The following ZNF618 variants were observed in gnomAD, a reference collection of about 807,000 sequenced individuals.
The protein encoded by ZNF618 is zinc finger protein 618.
A neutral mutation model predicts 103.0 loss-of-function variants in ZNF618; 34 were observed. That is an observed-to-expected ratio of 0.33 (90% confidence interval 0.25 to 0.44). The LOEUF (loss-of-function observed/expected upper bound fraction) is 0.44. ZNF618 is among the 20% of genes least tolerant of loss of function. The pLI, the probability that ZNF618 is intolerant of heterozygous loss-of-function variation, is 1.00. For synonymous variants in ZNF618, 551 were observed against 542.2 expected (o/e 1.02, Z -0.23); for missense variants, 1,059 against 1,295.4 (o/e 0.82, Z 2.80).
chr9:114,011,046 G>C lies in ZNF618; in HGVS notation c.754+2492G>C, dbSNP rs1416509297. 3.3e-5 allele frequency among the ~76,000 whole-genome samples: 5 copies of C among 152,294 alleles called. No individual in the cohort carries two copies. In the South Asian group the frequency reaches 1.0e-3, roughly 32 times the overall value. ...ACCAAGCACCTGGCTCATATCCAAG[G>C]TGTAGGGAGACCTGTTACTGAGAAA... On this transcript the variant is annotated intron_variant, in intron 9 of 14. Coordinates refer to ENST00000374126, the MANE Select transcript of ZNF618 (RefSeq NM_001318042.2).
intron 4 of ZNF618, among the ~76,000 whole-genome samples, chr9:114,000,755 T>C (rs1028194822): frequency 6.6e-6 from 1 of 152,184 alleles, no homozygotes; most frequent in South Asian, 2.1e-4. Context: ...GGGGCTGGTC[T>C]TGTGCTGGGA....
At chr9:113,997,028 T>C (rs1017644933) in intron 3 of ZNF618, among the ~76,000 whole-genome samples, 2 of 151,892 alleles carry the variant, frequency 1.3e-5, no homozygotes, top group Non-Finnish European at 2.9e-5. Context: ...TGGACGGAAA[T>C]GAGACCTGGT....
chr9:113,966,311 G>GA (rs958312125), intron 1 of ZNF618, among the ~76,000 whole-genome samples: 148 of 152,324 alleles, frequency 9.7e-4, no homozygotes, highest in African/African-American at 3.4e-3. Flanking sequence ...CGCAGAGCTA[G>GA]AAAACGGCAA....
chr9:113,917,011 A>G (rs1832159648), intron 1 of ZNF618, among the ~76,000 whole-genome samples: 1 of 152,140 alleles, frequency 6.6e-6, no homozygotes, highest in African/African-American at 2.4e-5. Context: ...GAAGAGGGGC[A>G]TGGAGAGGGT....
At chr9:114,032,766 T>A (rs747057160) in intron 12 of ZNF618, 38 bp downstream of exon 12, 40 of 1,598,648 alleles carry the variant, frequency 2.5e-5, no homozygotes, top group Admixed American at 6.7e-5. Flanking sequence ...GTGCGGTAGC[T>A]GCCAGCTTCG....
intron 1 of ZNF618, among the ~76,000 whole-genome samples, chr9:113,928,992 G>C (rs569897846): frequency 1.3e-5 from 2 of 152,124 alleles, no homozygotes; most frequent in East Asian, 1.9e-4. Context: ...TTCAAGGGCA[G>C]GCCTTTGCTC....
chr9:114,044,470 A>C (rs1845487578), intron 13 of ZNF618, among the ~76,000 whole-genome samples: 1 of 152,128 alleles, frequency 6.6e-6, no homozygotes, highest in South Asian at 2.1e-4. Flanking sequence ...GAAGTCCGGT[A>C]ATGTGTTGCC....
At chr9:113,992,402 G>A (rs1840159531) in intron 3 of ZNF618, among the ~76,000 whole-genome samples, 1 of 152,156 alleles carries the variant, frequency 6.6e-6, no homozygotes, top group South Asian at 2.1e-4. Context: ...TTCTGAAAGT[G>A]TATGAAGGAG....
chr9:114,003,810 A>G (rs907891789), intron 6 of ZNF618, among the ~76,000 whole-genome samples: 2 of 152,208 alleles, frequency 1.3e-5, no homozygotes, highest in Non-Finnish European at 2.9e-5. Context: ...GTTCTACACC[A>G]GGGGTTAGCA....
intron 1 of ZNF618, among the ~76,000 whole-genome samples, chr9:113,928,140 C>G (rs1413339502): frequency 6.6e-6 from 1 of 152,100 alleles, no homozygotes; most frequent in African/African-American, 2.4e-5. Context: ...TTGGATAGTT[C>G]CTATTGAACT....
intron 1 of ZNF618, among the ~76,000 whole-genome samples, chr9:113,947,393 G>T (rs1835142279): frequency 6.6e-6 from 1 of 151,568 alleles, no homozygotes; most frequent in Non-Finnish European, 1.5e-5. Flanking sequence ...GTACACTGCT[G>T]AGCACATGTG....
chr9:113,930,688 A>G (rs1480506973), intron 1 of ZNF618, among the ~76,000 whole-genome samples: 2 of 152,174 alleles, frequency 1.3e-5, no homozygotes, highest in African/African-American at 4.8e-5. Flanking sequence ...AGGTGCCTAG[A>G]AGCGAAGGAG....
Position 114,052,486 on chromosome 9 carries a change from G to A in ZNF618, c.*2319G>A, listed in dbSNP as rs1192880096. The A allele has an allele frequency of 6.6e-6, 1 of 152,424 alleles. No individual in the cohort carries two copies. The highest frequency in any genetic ancestry group is 1.5e-5 in the Non-Finnish European group (1 of 68,034). 9.4% of individuals were successfully genotyped at this position (152,424 alleles called of 1,614,324 possible). On this transcript the variant is annotated 3_prime_UTR_variant, in exon 15 of 15. Coordinates refer to ENST00000374126, the MANE Select transcript of ZNF618 (RefSeq NM_001318042.2). The stretch of plus-strand genomic sequence containing the variant: ...GACAGGAACCTCATGTCACTTCCTA[G>A]GGAATATGGGAAGAAACATCAGCAG...
intron 1 of ZNF618, among the ~76,000 whole-genome samples, chr9:113,899,326 C>A (rs1425998822): frequency 1.3e-5 from 2 of 152,276 alleles, no homozygotes; most frequent in African/African-American, 4.8e-5. Flanking sequence ...TCCCTGGTAG[C>A]CTCCATTCCA....
At chr9:113,938,572 CTTT>C (rs71367741) in intron 1 of ZNF618, among the ~76,000 whole-genome samples, 3 of 136,708 alleles carry the variant, frequency 2.2e-5, no homozygotes, top group Non-Finnish European at 3.0e-5. Flanking sequence ...TTCTTTTTTT[CTTT>C]TTTTTTTTTT....
intron 1 of ZNF618, among the ~76,000 whole-genome samples, chr9:113,917,235 C>CTTTTTTTTTTTTTTTT (rs56300784): frequency 1.3e-5 from 1 of 74,244 alleles, no homozygotes; most frequent in African/African-American, 5.2e-5. Context: ...TCTCTCTATC[C>CTTTTTTTTTTTTTTTT]TTTTTTTTTT....
At chr9:113,922,155 A>T (rs1008029868) in intron 1 of ZNF618, among the ~76,000 whole-genome samples, 15 of 152,236 alleles carry the variant, frequency 9.9e-5, no homozygotes, top group Non-Finnish European at 2.2e-4. Flanking sequence ...GATCCTGGGG[A>T]TAAACCAGGG....
chr9:113,955,387 T>C (rs546438849), intron 1 of ZNF618, among the ~76,000 whole-genome samples: 1 of 151,948 alleles, frequency 6.6e-6, no homozygotes, highest in South Asian at 2.1e-4. Flanking sequence ...CAGGCACCCA[T>C]TGGGATGTGC....
At chr9:113,879,344 C>T (rs1474969240) in intron 1 of ZNF618, among the ~76,000 whole-genome samples, 2 of 142,468 alleles carry the variant, frequency 1.4e-5, no homozygotes, top group Non-Finnish European at 3.0e-5. Context: ...TTGTCTATGG[C>T]TAGAAGTTGA....
Sources: allele counts gnomAD v4.1 joint callset (sites outside exome capture counted in the v4.1 genomes callset), GRCh38; gene constraint gnomAD v4.1.1; transcripts MANE v1.5; gene names NCBI Gene and HGNC (gene_info 2026-07-23, HGNC 2026-07-21).